The following CLCC1 variants were observed in gnomAD, a reference collection of about 807,000 sequenced individuals.
CLCC1 encodes the protein chloride channel CLIC-like protein 1.
In CLCC1, 39 loss-of-function variants were observed where a neutral mutation model predicts 63.3. The observed-to-expected ratio is 0.62, with a 90% CI of 0.48 to 0.81. The LOEUF is 0.81. CLCC1 is among the 30% of genes least tolerant of loss of function. The probability of loss-of-function intolerance (pLI) is 0.00; values close to 1 mark genes in which losing one functional copy is unlikely to be tolerated. For missense variants in CLCC1, 549 were observed against 669.4 expected (o/e 0.82, Z 1.98); for synonymous variants, 217 against 239.8 (o/e 0.90, Z 0.88).
In CLCC1 at chr1:108,931,254, GA is replaced by G. The variant is rs1651903760; in HGVS notation, c.*1292del. 2 of 1,437,052 alleles carry G rather than the reference GA, an allele frequency of 1.4e-6. No individual in the cohort carries two copies. The highest frequency in any genetic ancestry group is 1.8e-6 in the Non-Finnish European group (2 of 1,085,780). The allele number at this position is 1,437,052 out of a possible 1,614,324, so 89.0% of individuals were successfully genotyped here. ...ATGAAAACTCACAAAAATTAAATAT[GA>G]AAGAAAGATGTCAGCTAGAACCTTA... On this transcript the variant is annotated 3_prime_UTR_variant, in exon 13 of 13. Transcript: ENST00000369969.
In CLCC1 at chr1:108,955,968, C is replaced by T. The variant is rs138518683; in HGVS notation, c.-11-5520G>A. ...CCAGGATCTCCAGCCTGTAGACAGC[C>T]TATCATGGTACTTCTCGGCACCCAT... is the stretch of plus-strand genomic sequence containing the variant. On this transcript the variant is annotated intron_variant, in intron 2 of 12. Coordinates refer to ENST00000369969, the MANE Select transcript of CLCC1 (RefSeq NM_001377458.1). Among the ~76,000 whole-genome samples, 150 of 151,658 alleles carry T rather than the reference C, an allele frequency of 9.9e-4. 8 individuals carry two copies. The highest frequency in any genetic ancestry group is 3.2e-3 in the African/African-American group (133 of 40,926).
At chr1:108,955,761 A>G (rs1438397359) in intron 2 of CLCC1, among the ~76,000 whole-genome samples, 2 of 151,522 alleles carry the variant, frequency 1.3e-5, no homozygotes, top group Non-Finnish European at 1.5e-5. Context: ...CTCCTGGAGC[A>G]GGGACACCCT....
chr1:108,943,122 C>A (rs1654061730), intron 7 of CLCC1, among the ~76,000 whole-genome samples: 1 of 152,090 alleles, frequency 6.6e-6, no homozygotes, highest in Non-Finnish European at 1.5e-5. Context: ...GTTGGCCAGG[C>A]TAGTCTTGAC....
Position 108,934,842 on chromosome 1 carries a change from T to C in CLCC1, c.1484A>G (p.Lys495Arg). The C allele has an allele frequency of 6.2e-7, 1 of 1,614,262 alleles. No individual in the cohort carries two copies. The highest frequency in any genetic ancestry group is 1.1e-5 in the South Asian group (1 of 91,084). ...ESSTESSQSA[K>R]PVSGQDTSGN... The stretch of plus-strand genomic sequence containing the variant: ...TGATGTGTCTTGGCCAGAGACAGGC[T>C]TGGCCGACTGGCTGCTTTCAGTACT... Residue 495 changes from lysine (K) to arginine (R), a missense_variant, in exon 12 of 13, where the codon AAG (lysine) becomes AGG (arginine). Coordinates refer to ENST00000369969, the MANE Select transcript of CLCC1 (RefSeq NM_001377458.1).
At chr1:108,958,359 T>C (rs1401407374) in intron 2 of CLCC1, among the ~76,000 whole-genome samples, 1 of 151,556 alleles carries the variant, frequency 6.6e-6, no homozygotes, top group African/African-American at 2.5e-5. Context: ...TCTCTTCCTG[T>C]CCTGTTCCAT....
intron 10 of CLCC1, 116 bp downstream of exon 10, chr1:108,939,520 A>G: frequency 1.2e-6 from 1 of 813,922 alleles, no homozygotes; most frequent in Non-Finnish European, 1.8e-6. Context: ...TGTGTTAGCC[A>G]GGATGGTCTC....
chr1:108,956,886 A>AGGCGGGGAGGCAGGGAGGCGGGGT (rs1655971493), intron 2 of CLCC1, among the ~76,000 whole-genome samples: 1 of 40,850 alleles, frequency 2.4e-5, no homozygotes, highest in Non-Finnish European at 4.5e-5. Context: ...GGAGGCAGGG[A>AGGCGGGGAGGCAGGGAGGCGGGGT]GGCGGGGAGG....
At position 108,937,106 on chromosome 1, in the gene CLCC1, C is replaced by T; in HGVS notation, c.1354G>A (p.Ala452Thr). Reference sequence around the variant, plus strand: ...GGTACCACCGTGGGATGCTCTCGTGCCTCTGCGTCTGGTACATCAAATGCC... The same window carrying T: ...GGTACCACCGTGGGATGCTCTCGTGTCTCTGCGTCTGGTACATCAAATGCC... ...LRAFDVPDAE[A>T]REHPTVVPSH... The change falls in exon 11 of 13, where the codon GCA becomes ACA. Residue 452 changes from alanine (A) to threonine (T), a missense_variant. Coordinates refer to ENST00000369969, the MANE Select transcript of CLCC1 (RefSeq NM_001377458.1). The T allele has an allele frequency of 6.6e-7, 1 of 1,516,222 alleles. No individual in the cohort carries two copies. Among genetic ancestry groups the T allele is most frequent in the African/African-American group, 1.4e-5 (1 of 71,664 alleles). The allele number at this position is 1,516,222 out of a possible 1,614,324, so 93.9% of individuals were successfully genotyped here.
At chr1:108,946,406 C>T (rs1186794533) in intron 5 of CLCC1, among the ~76,000 whole-genome samples, 1 of 152,164 alleles carries the variant, frequency 6.6e-6, no homozygotes, top group East Asian at 1.9e-4. Context: ...CTGTTCCACC[C>T]TGTACGTAGC....
chr1:108,955,542 G>A (rs1403611684), intron 2 of CLCC1, among the ~76,000 whole-genome samples: 5 of 151,440 alleles, frequency 3.3e-5, no homozygotes, highest in Non-Finnish European at 7.3e-5. Context: ...TTTGGAACAT[G>A]TGATGGTTAA....
intron 7 of CLCC1, among the ~76,000 whole-genome samples, chr1:108,942,034 G>C (rs868489149): frequency 6.6e-6 from 1 of 152,166 alleles, no homozygotes; most frequent in Non-Finnish European, 1.5e-5. Flanking sequence ...TGCCTTCTCT[G>C]TAAGTAATTA....
At chr1:108,945,332 TA>T (rs1179442930) in intron 5 of CLCC1, among the ~76,000 whole-genome samples, 1 of 151,536 alleles carries the variant, frequency 6.6e-6, no homozygotes, top group African/African-American at 2.4e-5. Context: ...AAAATAAAAA[TA>T]AAAAAAATCA....
chr1:108,946,550 T>C (rs1654567725), intron 5 of CLCC1, among the ~76,000 whole-genome samples: 1 of 152,142 alleles, frequency 6.6e-6, no homozygotes, highest in Non-Finnish European at 1.5e-5. Context: ...ATGGAGTATA[T>C]GGCAAGTTTT....
intron 2 of CLCC1, among the ~76,000 whole-genome samples, chr1:108,958,699 C>T (rs946699425): frequency 4.0e-5 from 6 of 149,568 alleles, no homozygotes; most frequent in Non-Finnish European, 8.9e-5. Flanking sequence ...GCCAACATGG[C>T]GAAACCCCGT....
intron 2 of CLCC1, among the ~76,000 whole-genome samples, chr1:108,950,983 T>C (rs530653544): frequency 6.6e-6 from 1 of 152,330 alleles, no homozygotes; most frequent in African/African-American, 2.4e-5. Context: ...TATTTTTCCA[T>C]ATGGCCCAGC....
intron 2 of CLCC1, among the ~76,000 whole-genome samples, chr1:108,952,866 C>T (rs1655393258): frequency 6.6e-6 from 1 of 151,738 alleles, no homozygotes; most frequent in Non-Finnish European, 1.5e-5. Context: ...AACTTCAAAA[C>T]CATTCAGAGA....
intron 2 of CLCC1, among the ~76,000 whole-genome samples, chr1:108,957,500 T>C (rs1656066651): frequency 6.6e-6 from 1 of 151,574 alleles, no homozygotes; most frequent in South Asian, 2.1e-4. Context: ...TTCACTTTCA[T>C]GTGAGCAAAA....
At chr1:108,948,997 AAC>A (rs1654874877) in intron 4 of CLCC1, among the ~76,000 whole-genome samples, 1 of 152,046 alleles carries the variant, frequency 6.6e-6, no homozygotes, top group African/African-American at 2.4e-5. Flanking sequence ...TCAGTGAACA[AAC>A]TCTCCCAGTC....
At chr1:108,935,424 TGTGG>T (rs953614217) in intron 11 of CLCC1, among the ~76,000 whole-genome samples, 1 of 152,138 alleles carries the variant, frequency 6.6e-6, no homozygotes, top group Non-Finnish European at 1.5e-5. Flanking sequence ...GAGTGCTGAA[TGTGG>T]GTGGGCTGGC....
Sources: gnomAD v4.1 joint callset for allele counts (sites outside exome capture counted in the v4.1 genomes callset) on GRCh38, gnomAD v4.1.1 for gene constraint, MANE v1.5 for transcripts, NCBI Gene and HGNC (gene_info 2026-07-23, HGNC 2026-07-21) for gene names.